Variants in YJU2B observed in about 807,000 individuals in gnomAD.
YJU2B encodes the protein YJU2 splicing factor homolog B.
YJU2B carries 18 observed loss-of-function variants against 38.0 expected under a neutral mutation model. That is an observed-to-expected ratio of 0.47 (90% CI 0.33 to 0.70). The LOEUF is 0.70. Ranked by LOEUF, YJU2B falls within the 30% of genes least tolerant of loss-of-function variation. The pLI is 0.02. For synonymous variants in YJU2B, 246 were observed against 225.4 expected (o/e 1.09, Z -0.82); for missense variants, 538 against 556.3 (o/e 0.97, Z 0.33).
At chr19:13,735,481 G>A (rs192175629) in intron 2 of YJU2B, among the ~76,000 whole-genome samples, 152 of 151,342 alleles carry the variant, frequency 1.0e-3, no homozygotes, top group African/African-American at 3.4e-3. Flanking sequence ...CTCCCTCCCC[G>A]TCCCCCACCA....
chr19:13,744,469 C>T (rs1031016631), upstream of YJU2B, among the ~76,000 whole-genome samples: 2 of 152,300 alleles, frequency 1.3e-5, no homozygotes, highest in African/African-American at 4.8e-5. Flanking sequence ...ATCTCTGGGA[C>T]TCTAACTTCC....
rs758899135 is a variant in YJU2B, at chr19:13,762,914, G to A, written c.1037G>A (p.Cys346Tyr). 1.2e-5 allele frequency: 20 copies of A among 1,611,666 alleles called. No individual in the cohort carries two copies. The Admixed American group carries it at 1.3e-4, about 11-fold the overall frequency. The change falls in exon 10 of 10, where the codon TGC becomes TAC. Residue 346 changes from cysteine (C) to tyrosine (Y), a missense_variant. Around this residue, in one of 2 missense-constraint regions of YJU2B, gnomAD observed 488 missense variants for 469.5 expected, o/e 1.04. Coordinates refer to ENST00000221554, the MANE Select transcript of YJU2B (RefSeq NM_030818.4). ...CPPETTETPK[C>Y]SSPRGQEGSR... ...CCGGAAACAACTGAGACCCCCAAGT[G>A]CAGCAGCCCGAGGGGGCAGGAAGGG...
intron 3 of YJU2B, 62 bp downstream of exon 3, chr19:13,754,404 G>C: frequency 7.2e-7 from 1 of 1,384,806 alleles, no homozygotes; most frequent in East Asian, 2.3e-5. Flanking sequence ...CCCCTCTTGG[G>C]GTTAGAGCCA....
At chr19:13,748,024 C>G (rs1481408473) in intron 1 of YJU2B, 70 bp downstream of exon 1, 1 of 152,204 alleles carries the variant, frequency 6.6e-6, no homozygotes, top group Non-Finnish European at 1.5e-5. Flanking sequence ...GGCCTCGGAG[C>G]TGCCCGGCGC....
intron 4 of YJU2B, among the ~76,000 whole-genome samples, chr19:13,756,662 A>G (rs1973678710): frequency 6.6e-6 from 1 of 152,068 alleles, no homozygotes; most frequent in East Asian, 1.9e-4. Flanking sequence ...GGACTTGATC[A>G]CATAGGACTC....
At chr19:13,761,707 C>T (rs1292958700) in intron 8 of YJU2B, 1 of 151,000 alleles carries the variant, frequency 6.6e-6, no homozygotes, top group African/African-American at 2.4e-5. Flanking sequence ...ATAGTGAGAC[C>T]CCATCTCTAC....
intron 8 of YJU2B, chr19:13,761,246 G>C (rs920001683): frequency 2.0e-5 from 3 of 152,172 alleles, no homozygotes; most frequent in African/African-American, 7.2e-5. Flanking sequence ...GCCAGGTGTG[G>C]TGGCGGGTGC....
At chr19:13,752,933 CAA>C (rs898122384) in intron 2 of YJU2B, among the ~76,000 whole-genome samples, 3 of 151,420 alleles carry the variant, frequency 2.0e-5, no homozygotes, top group African/African-American at 4.9e-5. Context: ...AAGAAGAAAA[CAA>C]GAGCGACTCT....
intron 1 of YJU2B, among the ~76,000 whole-genome samples, chr19:13,751,003 G>C (rs952795871): frequency 3.9e-5 from 6 of 152,148 alleles, no homozygotes; most frequent in African/African-American, 1.4e-4. Flanking sequence ...AGAGGGGTAA[G>C]AGTTAGGCTT....
chr19:13,739,709 T>G (rs1459723411), intron 2 of YJU2B, among the ~76,000 whole-genome samples: 1 of 152,158 alleles, frequency 6.6e-6, no homozygotes, highest in African/African-American at 2.4e-5. Flanking sequence ...CAGTCACCAA[T>G]TAGAGCTCAG....
At chr19:13,735,624 A>C (rs1215929356) in intron 2 of YJU2B, among the ~76,000 whole-genome samples, 1 of 151,578 alleles carries the variant, frequency 6.6e-6, no homozygotes, top group African/African-American at 2.4e-5. Flanking sequence ...AGACAAACTC[A>C]TTATTATTCC....
intron 2 of YJU2B, among the ~76,000 whole-genome samples, chr19:13,732,835 C>T (rs1193102094): frequency 6.6e-6 from 1 of 151,992 alleles, no homozygotes; most frequent in Non-Finnish European, 1.5e-5. Context: ...TCTCAAACTC[C>T]TGACCTCAAG....
intron 2 of YJU2B, among the ~76,000 whole-genome samples, chr19:13,733,550 T>C (rs1439256414): frequency 1.3e-5 from 2 of 152,012 alleles, no homozygotes; most frequent in Non-Finnish European, 2.9e-5. Context: ...GGAGAAACCC[T>C]GTCTCTACTA....
Position 13,762,958 on chromosome 19 carries a change from C to CT in YJU2B, c.1082dup (p.Ser362ValfsTer11), listed in dbSNP as rs747207901. 6.2e-7 allele frequency: 1 copy of CT among 1,611,914 alleles called. No individual in the cohort carries two copies. The highest frequency in any genetic ancestry group is 1.7e-5 in the Admixed American group (1 of 59,898). On this transcript the variant is annotated frameshift_variant, in exon 10 of 10. Coordinates refer to ENST00000221554, the MANE Select transcript of YJU2B (RefSeq NM_030818.4). LOFTEE classifies it low-confidence loss of function (END_TRUNC). ...GGAAGGGAGCCGTCAGGACAAGCCC[C>CT]TGTCGCCAGCAGGCTCCTCCCAGGA...
intron 6 of YJU2B, among the ~76,000 whole-genome samples, chr19:13,758,413 C>T (rs138250462): frequency 1.1e-3 from 164 of 152,194 alleles, no homozygotes; most frequent in African/African-American, 3.7e-3. Context: ...CTGTCTTGGG[C>T]GGGTTTGTTG....
intron 2 of YJU2B, among the ~76,000 whole-genome samples, chr19:13,738,407 CTT>C (rs1022113558): frequency 6.6e-6 from 1 of 152,164 alleles, no homozygotes; most frequent in African/African-American, 2.4e-5. Context: ...GTTTAAAACT[CTT>C]TTGACTGACT....
chr19:13,746,912 A>T (rs1256807666), upstream of YJU2B, among the ~76,000 whole-genome samples: 1 of 152,172 alleles, frequency 6.6e-6, no homozygotes, highest in Non-Finnish European at 1.5e-5. Context: ...CTCTCAAAAA[A>T]AAAAAAGTAT....
chr19:13,742,757 G>C (rs1254955678), intron 2 of YJU2B, among the ~76,000 whole-genome samples: 2 of 152,236 alleles, frequency 1.3e-5, no homozygotes, highest in African/African-American at 4.8e-5. Flanking sequence ...TCTCTAGGAA[G>C]TCCTGCTCCC....
chr19:13,735,041 G>A (rs1220755019), intron 2 of YJU2B, among the ~76,000 whole-genome samples: 1 of 152,202 alleles, frequency 6.6e-6, no homozygotes, highest in Non-Finnish European at 1.5e-5. Flanking sequence ...TCTTAGCAGG[G>A]CACAGCGGCT....
Sources: allele counts gnomAD v4.1 joint callset (sites outside exome capture counted in the v4.1 genomes callset), GRCh38; gene constraint gnomAD v4.1.1; regional missense constraint gnomAD v4.1.1; transcripts MANE v1.5; gene names NCBI Gene and HGNC (gene_info 2026-07-23, HGNC 2026-07-21).